ATG3: variants seen among roughly 807,000 people sequenced by gnomAD.
ATG3 encodes the protein autophagy related 3.
A neutral mutation model predicts 50.7 loss-of-function variants in ATG3; 25 were observed. The observed-to-expected ratio is 0.49, with a 90% CI of 0.36 to 0.69. The LOEUF is 0.69. Ranked by LOEUF, ATG3 falls within the 30% of genes least tolerant of loss-of-function variation. The pLI is 0.00. For synonymous variants in ATG3, 119 were observed against 125.5 expected (o/e 0.95, Z 0.34); for missense variants, 281 against 376.0 (o/e 0.75, Z 2.09).
chr3:112,549,315 A>T (rs1416138859), intron 4 of ATG3, among the ~76,000 whole-genome samples: 1 of 149,934 alleles, frequency 6.7e-6, no homozygotes, highest in Admixed American at 6.6e-5. Flanking sequence ...TGATTTTTTT[A>T]AAACAATCAG....
rs1029311442 is a variant in ATG3 at position 112,534,300 on chromosome 3, C to T, written c.832G>A (p.Ala278Thr). The T allele has an allele frequency of 1.9e-6, 3 of 1,582,392 alleles. No individual in the cohort carries two copies. The Admixed American group carries it at 5.3e-5, about 28-fold the overall frequency. Residue 278 changes from alanine (A) to threonine (T), a missense_variant, in exon 11 of 12, where the codon GCA becomes ACA. By Grantham distance (58) the Ala-to-Thr change is moderately conservative. Coordinates refer to ENST00000283290, the MANE Select transcript of ATG3 (RefSeq NM_022488.5). ...ACTCCAAGTTCTCCCCCTCCTTCTGCAACAGTCTCAATGATTTTCTTCATC... is the reference window on the plus strand; with the variant it reads ...ACTCCAAGTTCTCCCCCTCCTTCTGTAACAGTCTCAATGATTTTCTTCATC... ...EVMKKIIETV[A>T]EGGGELGVHM...
At chr3:112,554,111 G>A (rs897872796) in intron 2 of ATG3, among the ~76,000 whole-genome samples, 1 of 152,124 alleles carries the variant, frequency 6.6e-6, no homozygotes, top group Non-Finnish European at 1.5e-5. Flanking sequence ...GATCTTACTG[G>A]CGAACAGAAA....
At chr3:112,552,029 T>C (rs1933542626) in intron 3 of ATG3, among the ~76,000 whole-genome samples, 1 of 152,152 alleles carries the variant, frequency 6.6e-6, no homozygotes, top group Admixed American at 6.5e-5. Flanking sequence ...AGTATTAAAA[T>C]GCAGGAGAAT....
intron 1 of ATG3, among the ~76,000 whole-genome samples, chr3:112,558,881 G>C (rs755756545): frequency 4.6e-5 from 7 of 152,040 alleles, no homozygotes; most frequent in African/African-American, 1.4e-4. Context: ...TGGGATTACA[G>C]GCATGTGCCA....
chr3:112,548,402 G>A, intron 5 of ATG3, 131 bp downstream of exon 5: 4 of 777,730 alleles, frequency 5.1e-6, no homozygotes, highest in Non-Finnish European at 8.1e-6. Flanking sequence ...TTGTCCTCCT[G>A]CTTTTTTCAT....
intron 7 of ATG3, among the ~76,000 whole-genome samples, chr3:112,538,543 A>C (rs1933138287): frequency 6.6e-6 from 1 of 151,822 alleles, no homozygotes; most frequent in Admixed American, 6.5e-5. Context: ...GGCATGATTT[A>C]GTCCCTTCTC....
chr3:112,538,195 C>G lies in ATG3; in HGVS notation c.476-15G>C, dbSNP rs772009623. On this transcript the variant is annotated splice_polypyrimidine_tract_variant and intron_variant, in intron 7 of 11. Coordinates refer to ENST00000283290, the MANE Select transcript of ATG3 (RefSeq NM_022488.5). ...CTCTTCATATTCTGTTATAAAAAAACAACAAAAGATTAATCAAGTTCAAGT... is the reference window on the plus strand; with the variant it reads ...CTCTTCATATTCTGTTATAAAAAAAGAACAAAAGATTAATCAAGTTCAAGT... 1 of 1,560,596 alleles carries G rather than the reference C, an allele frequency of 6.4e-7. No homozygotes were observed. The highest frequency in any genetic ancestry group is 8.7e-7 in the Non-Finnish European group (1 of 1,146,960).
chr3:112,558,288 T>G (rs1458084024), intron 2 of ATG3, 88 bp downstream of exon 2: 1 of 946,822 alleles, frequency 1.1e-6, no homozygotes, highest in Non-Finnish European at 1.6e-6. Context: ...AAAATTAAAG[T>G]TCAAGATGTT....
Position 112,561,876 on chromosome 3 carries a change from C to G in ATG3, c.-348G>C. The G allele has an allele frequency of 3.5e-6, 1 of 283,324 alleles. No homozygotes were observed. Among genetic ancestry groups the G allele is most frequent in the Non-Finnish European group, 6.7e-6 (1 of 150,096 alleles). 17.6% of individuals were successfully genotyped at this position (283,324 alleles called of 1,614,324 possible). ...GCCCTCTGCGAGCTGTCTGTCCTCG[C>G]TTTGCTTCACTCGCGCCCCTTCCGG... On this transcript the variant is annotated 5_prime_UTR_variant, in exon 1 of 12. Coordinates refer to ENST00000283290, the MANE Select transcript of ATG3 (RefSeq NM_022488.5).
At chr3:112,538,342 C>T in intron 7 of ATG3, 162 bp from the exon 8 acceptor site, 1 of 580,482 alleles carries the variant, frequency 1.7e-6, no homozygotes, top group South Asian at 2.4e-5. Context: ...TAATTCTATA[C>T]TTCCAAAGGC....
intron 11 of ATG3, 104 bp from the exon 12 acceptor site, chr3:112,532,884 C>A (rs1018139751): frequency 1.7e-5 from 22 of 1,331,516 alleles, no homozygotes; most frequent in Middle Eastern, 2.8e-4. Flanking sequence ...CTCAAAAAAA[C>A]CCCACAAAAT....
chr3:112,552,389 T>C (rs1289684023), intron 3 of ATG3, among the ~76,000 whole-genome samples: 2 of 151,818 alleles, frequency 1.3e-5, no homozygotes, highest in East Asian at 3.8e-4. Flanking sequence ...CCTTAGTAAT[T>C]AAAATAAAAG....
chr3:112,556,418 C>T (rs574523789), intron 2 of ATG3, among the ~76,000 whole-genome samples: 2,007 of 143,158 alleles, frequency 0.014, 13 homozygotes, highest in Non-Finnish European at 0.019. Flanking sequence ...GTCAGCCCCC[C>T]GCCCGGCCAG....
rs759269019 is a variant in ATG3 at position 112,548,678 on chromosome 3, A to G, written c.236-38T>C. On this transcript the variant is annotated intron_variant, in intron 4 of 11. Transcript: ENST00000283290. ...TGGTAAATACAGTTAACTAGCACGT[A>G]ATCTGCTAACCATAAATCCATTAGA... 5 of 1,504,678 alleles carry G rather than the reference A, an allele frequency of 3.3e-6. No homozygotes were observed. In the East Asian group the frequency reaches 6.8e-5, roughly 20 times the overall value. The allele number at this position is 1,504,678 out of a possible 1,614,324, so 93.2% of individuals were successfully genotyped here.
Position 112,532,796 on chromosome 3 carries a change from T to C in ATG3, c.864-16A>G. On this transcript the variant is annotated splice_polypyrimidine_tract_variant and intron_variant, in intron 11 of 11. Coordinates refer to ENST00000283290, the MANE Select transcript of ATG3 (RefSeq NM_022488.5). ...AAGAAGATACCTAAAGGTTTTTAGC[T>C]AAGGAAAATAAGATTTGTAAATAGT... 1.9e-6 allele frequency: 3 copies of C among 1,566,100 alleles called. No homozygotes were observed. The highest frequency in any genetic ancestry group is 2.6e-6 in the Non-Finnish European group (3 of 1,159,468).
At position 112,543,881 on chromosome 3, in the gene ATG3, G is replaced by A; in HGVS notation, c.393+176C>T. 4.2e-6 allele frequency: 2 copies of A among 480,898 alleles called. 1 individual carries two copies. The highest frequency in any genetic ancestry group is 8.1e-5 in the South Asian group (2 of 24,668). 29.8% of individuals were successfully genotyped at this position (480,898 alleles called of 1,614,324 possible). A position where few individuals can be genotyped will look rare whatever the true frequency, so the allele number is the denominator to read the frequency against. On this transcript the variant is annotated intron_variant, in intron 6 of 11. Transcript: ENST00000283290. The stretch of plus-strand genomic sequence containing the variant: ...CATTAGGCAGCAGTAGTGTTTTGGT[G>A]TGTTGAGACAGAAAAATGAATGGGG...
chr3:112,536,367 T>C (rs1165913794), intron 10 of ATG3, 108 bp downstream of exon 10: 1 of 1,372,456 alleles, frequency 7.3e-7, no homozygotes, highest in Non-Finnish European at 1.0e-6. Flanking sequence ...TACTTTTTAG[T>C]AAGAAAATTT....
chr3:112,548,654 G>T lies in ATG3; in HGVS notation c.236-14C>A. On this transcript the variant is annotated splice_polypyrimidine_tract_variant and intron_variant, in intron 4 of 11. Transcript: ENST00000283290. ...TATAGCACGGCACTATAAAAAAAAT[G>T]GTAAATACAGTTAACTAGCACGTAA... 1 of 1,599,226 alleles carries T rather than the reference G, an allele frequency of 6.3e-7. No homozygotes were observed.
rs1443455733 is a variant in ATG3, at chr3:112,561,872, C to T, written c.-344G>A. On this transcript the variant is annotated 5_prime_UTR_variant, in exon 1 of 12. Coordinates refer to ENST00000283290, the MANE Select transcript of ATG3 (RefSeq NM_022488.5). ...CCTCGCCCTCTGCGAGCTGTCTGTC[C>T]TCGCTTTGCTTCACTCGCGCCCCTT... 2 of 290,530 alleles carry T rather than the reference C, an allele frequency of 6.9e-6. No individual in the cohort carries two copies. The highest frequency in any genetic ancestry group is 1.3e-5 in the Non-Finnish European group (2 of 154,670). The allele number at this position is 290,530 out of a possible 1,614,324, so 18.0% of individuals were successfully genotyped here. A position where few individuals can be genotyped will look rare whatever the true frequency, so the allele number is the denominator to read the frequency against.
Sources: allele counts gnomAD v4.1 joint callset (sites outside exome capture counted in the v4.1 genomes callset), GRCh38; gene constraint gnomAD v4.1.1; transcripts MANE v1.5; gene names NCBI Gene and HGNC (gene_info 2026-07-23, HGNC 2026-07-21).